The following BORCS5 variants were observed in gnomAD, a reference collection of about 807,000 sequenced individuals.
BORCS5 encodes the protein BLOC-1 related complex subunit 5, also known as BLOC-1-related complex subunit 5.
In BORCS5, 17 loss-of-function variants were observed where a neutral mutation model predicts 22.1. The ratio of observed to expected loss-of-function variants is 0.77; its 90% CI spans 0.53 to 1.15. The LOEUF is 1.15. BORCS5 is among the 50% of genes most tolerant of loss of function. BORCS5 has a pLI of 0.00. For missense variants in BORCS5, 247 were observed against 253.2 expected (o/e 0.98, Z 0.17); for synonymous variants, 117 against 99.8 (o/e 1.17, Z -1.03).
chr12:12,420,888 C>T (rs949558295), intron 2 of BORCS5, among the ~76,000 whole-genome samples: 3 of 152,100 alleles, frequency 2.0e-5, no homozygotes, highest in Admixed American at 6.6e-5. Context: ...GTGATTTTTG[C>T]ACACTGATTT....
At chr12:12,431,495 G>A (rs1003568098) in intron 2 of BORCS5, among the ~76,000 whole-genome samples, 14 of 142,970 alleles carry the variant, frequency 9.8e-5, no homozygotes, top group African/African-American at 2.6e-4. Flanking sequence ...CTCCGCCTCC[G>A]GGTTCAAGCG....
chr12:12,365,080 C>T (rs1863375756), intron 2 of BORCS5, among the ~76,000 whole-genome samples: 1 of 152,192 alleles, frequency 6.6e-6, no homozygotes, highest in Admixed American at 6.5e-5. Context: ...TGGGACTTTG[C>T]CACCAACTAT....
chr12:12,432,022 A>G (rs993510473), intron 2 of BORCS5, among the ~76,000 whole-genome samples: 6 of 152,134 alleles, frequency 3.9e-5, no homozygotes, highest in Non-Finnish European at 8.8e-5. Context: ...CACTCTTTAT[A>G]TATTAGGAAG....
chr12:12,361,376 G>T (rs762427206), intron 2 of BORCS5, 27 bp downstream of exon 2: 3 of 1,607,730 alleles, frequency 1.9e-6, no homozygotes, highest in South Asian at 2.2e-5. Flanking sequence ...TGTTTTATCT[G>T]AACTTGCTGG....
chr12:12,438,381 C>CAAAAAAAAAAAAAA (rs1565915725), intron 3 of BORCS5, among the ~76,000 whole-genome samples: 1 of 65,174 alleles, frequency 1.5e-5, no homozygotes, highest in African/African-American at 9.9e-5. Context: ...AAAAAAAAAA[C>CAAAAAAAAAAAAAA]GAAAAACAAC....
At chr12:12,414,638 G>A (rs1941868213) in intron 2 of BORCS5, among the ~76,000 whole-genome samples, 1 of 103,832 alleles carries the variant, frequency 9.6e-6, no homozygotes, top group Admixed American at 8.5e-5. Context: ...GGGCGGCCGG[G>A]CAGAGGAGCC....
intron 2 of BORCS5, among the ~76,000 whole-genome samples, chr12:12,378,698 T>A (rs1863710691): frequency 6.6e-6 from 1 of 151,264 alleles, no homozygotes. Context: ...CACATTTGAA[T>A]AGTTGTGTAG....
rs1397538655 is a variant in BORCS5 at position 12,471,137 on chromosome 12, A to G, written c.*5361A>G. Among the ~76,000 whole-genome samples the G allele has an allele frequency of 6.6e-6, 1 of 152,198 alleles. No individual in the cohort carries two copies. The highest frequency in any genetic ancestry group is 1.9e-4 in the East Asian group (1 of 5,200). Reference sequence around the variant, plus strand: ...GGGACAGCATTTTCAAACGGATTCTAGTGTTTGAGCTGGAACCAAAAGAAT... The same window carrying G: ...GGGACAGCATTTTCAAACGGATTCTGGTGTTTGAGCTGGAACCAAAAGAAT... On this transcript the variant is annotated 3_prime_UTR_variant, in exon 4 of 4. Coordinates refer to ENST00000314565, the MANE Select transcript of BORCS5 (RefSeq NM_058169.6).
intron 3 of BORCS5, among the ~76,000 whole-genome samples, chr12:12,453,785 C>T (rs1004008716): frequency 1.3e-5 from 2 of 152,156 alleles, no homozygotes; most frequent in Non-Finnish European, 2.9e-5. Flanking sequence ...AATTCCAGAA[C>T]ATTTTCATCT....
intron 2 of BORCS5, among the ~76,000 whole-genome samples, chr12:12,397,686 T>G (rs542567228): frequency 6.6e-6 from 1 of 152,356 alleles, no homozygotes; most frequent in East Asian, 1.9e-4. Flanking sequence ...GTGAGCTAAC[T>G]GAAAATAATT....
At chr12:12,358,466 G>T (rs1444570288) in intron 1 of BORCS5, among the ~76,000 whole-genome samples, 2 of 152,150 alleles carry the variant, frequency 1.3e-5, no homozygotes, top group Non-Finnish European at 2.9e-5. Flanking sequence ...GCTTTGCTAC[G>T]TTTTTCTATT....
At chr12:12,406,712 T>C (rs1941603667) in intron 2 of BORCS5, among the ~76,000 whole-genome samples, 1 of 152,164 alleles carries the variant, frequency 6.6e-6, no homozygotes, top group South Asian at 2.1e-4. Flanking sequence ...CTCCCCTCTT[T>C]TATAATCAGT....
chr12:12,403,415 C>G (rs762835070), intron 2 of BORCS5, among the ~76,000 whole-genome samples: 128 of 152,198 alleles, frequency 8.4e-4, no homozygotes, highest in Non-Finnish European at 1.5e-3. Context: ...TGCTCTTCCC[C>G]GTGGCTTGGG....
intron 2 of BORCS5, among the ~76,000 whole-genome samples, chr12:12,391,882 A>AC (rs1941196792): frequency 8.4e-6 from 1 of 119,452 alleles, no homozygotes; most frequent in East Asian, 2.7e-4. Context: ...AAAAAAAAAA[A>AC]AAAACGCTAA....
chr12:12,404,849 C>G (rs1302497126), intron 2 of BORCS5, among the ~76,000 whole-genome samples: 1 of 152,122 alleles, frequency 6.6e-6, no homozygotes, highest in Non-Finnish European at 1.5e-5. Context: ...CAGGTGCCCG[C>G]CACCACACCT....
chr12:12,369,347 A>G (rs1212282159), intron 2 of BORCS5, among the ~76,000 whole-genome samples: 3 of 152,090 alleles, frequency 2.0e-5, no homozygotes, highest in Non-Finnish European at 4.4e-5. Context: ...TAGACAGCAT[A>G]TAGTAGGGTC....
At chr12:12,437,632 A>G (rs1355254098) in intron 3 of BORCS5, among the ~76,000 whole-genome samples, 2 of 152,246 alleles carry the variant, frequency 1.3e-5, no homozygotes, top group South Asian at 2.1e-4. Flanking sequence ...GAGTCTCACA[A>G]TAAAGAAAGC....
intron 2 of BORCS5, among the ~76,000 whole-genome samples, chr12:12,362,873 A>G (rs2136016554): frequency 6.6e-6 from 1 of 151,284 alleles, no homozygotes; most frequent in Middle Eastern, 3.5e-3. Context: ...CTGGTCTCGA[A>G]CTCCTGACCT....
At chr12:12,412,889 T>C (rs1052674131) in intron 2 of BORCS5, among the ~76,000 whole-genome samples, 18 of 146,316 alleles carry the variant, frequency 1.2e-4, no homozygotes, top group African/African-American at 4.5e-4. Flanking sequence ...TTGAAATGAT[T>C]TTGTGGTTTT....
Sources: allele counts gnomAD v4.1 joint callset (sites outside exome capture counted in the v4.1 genomes callset), GRCh38; gene constraint gnomAD v4.1.1; transcripts MANE v1.5; gene names NCBI Gene and HGNC (gene_info 2026-07-23, HGNC 2026-07-21).